Variants in TBCK observed in about 807,000 individuals in gnomAD.
TBCK encodes TBC1 domain containing kinase.
In TBCK, 99 loss-of-function variants were observed where a neutral mutation model predicts 113.4. The observed-to-expected ratio is 0.87, with a 90% CI of 0.74 to 1.03. TBCK has a LOEUF of 1.03. Among genes scored for constraint, TBCK ranks in the 50% least tolerant of loss-of-function variants. The pLI, the probability that TBCK is intolerant of heterozygous loss-of-function variation, is 0.00. For synonymous variants in TBCK, 369 were observed against 370.8 expected (o/e 1.00, Z 0.05); for missense variants, 1,045 against 1,061.3 (o/e 0.98, Z 0.21).
intron 23 of TBCK, among the ~76,000 whole-genome samples, chr4:106,120,624 C>T (rs1477086905): frequency 6.6e-6 from 1 of 152,214 alleles, no homozygotes; most frequent in South Asian, 2.1e-4. Flanking sequence ...GATCTGAGAA[C>T]CAGCAGACTG....
chr4:106,284,873 A>T (rs1231628990), intron 3 of TBCK, among the ~76,000 whole-genome samples: 1 of 152,158 alleles, frequency 6.6e-6, no homozygotes, highest in Non-Finnish European at 1.5e-5. Flanking sequence ...GTTGAGATCT[A>T]AATTTCTCCA....
At chr4:106,054,114 A>T (rs1244671279) in intron 25 of TBCK, among the ~76,000 whole-genome samples, 2 of 151,726 alleles carry the variant, frequency 1.3e-5, no homozygotes, top group Non-Finnish European at 1.5e-5. Context: ...AAAGCATTTT[A>T]ACGGCCTGTA....
chr4:106,170,892 C>T lies in TBCK; in HGVS notation c.2235+203G>A, dbSNP rs145313761. On this transcript the variant is annotated intron_variant, in intron 23 of 25. Transcript: ENST00000394708. ...GCAAAACTTGCTACCTGGAGGAGTA[C>T]GTCAAAATAATCTTCCTAACTCTAT... is the stretch of plus-strand genomic sequence containing the variant. 2.1e-3 allele frequency among the ~76,000 whole-genome samples: 316 copies of T among 152,012 alleles called. 1 individual carries two copies. Among genetic ancestry groups the T allele is most frequent in the Non-Finnish European group, 3.9e-3 (265 of 67,960 alleles).
intron 2 of TBCK, among the ~76,000 whole-genome samples, chr4:106,296,385 C>T (rs761903719): frequency 2.6e-5 from 4 of 151,404 alleles, no homozygotes; most frequent in Non-Finnish European, 5.9e-5. Context: ...AAAGAAACTG[C>T]GAATAATGAT....
At chr4:106,238,852 A>T (rs141268168) in intron 12 of TBCK, 4 of 152,260 alleles carry the variant, frequency 2.6e-5, no homozygotes, top group Non-Finnish European at 4.4e-5. Context: ...GTTAAGATCA[A>T]TTAAAAGGTA....
chr4:106,075,662 T>C (rs969090011), intron 25 of TBCK, among the ~76,000 whole-genome samples: 1 of 152,224 alleles, frequency 6.6e-6, no homozygotes, highest in African/African-American at 2.4e-5. Context: ...TTGACTTATA[T>C]ATATGTTTTT....
upstream of TBCK, chr4:106,316,303 C>T: frequency 2.2e-6 from 1 of 457,568 alleles, no homozygotes; most frequent in East Asian, 3.6e-5. Flanking sequence ...CTTCCCCTTG[C>T]CCAAACTGGC....
At chr4:106,291,247 T>C (rs1248254423) in intron 3 of TBCK, among the ~76,000 whole-genome samples, 1 of 152,196 alleles carries the variant, frequency 6.6e-6, no homozygotes, top group East Asian at 1.9e-4. Context: ...TGCACACTTG[T>C]CTTGGTCACA....
intron 25 of TBCK, among the ~76,000 whole-genome samples, chr4:106,052,072 G>A (rs905901371): frequency 1.3e-5 from 2 of 151,662 alleles, no homozygotes; most frequent in African/African-American, 2.4e-5. Flanking sequence ...CTAGTTTTCC[G>A]TATTCAGATC....
At chr4:106,267,172 C>T (rs1350138381) in intron 3 of TBCK, among the ~76,000 whole-genome samples, 1 of 151,884 alleles carries the variant, frequency 6.6e-6, no homozygotes, top group Non-Finnish European at 1.5e-5. Flanking sequence ...ATTATTGTTA[C>T]TTCAGGGCCT....
At chr4:106,203,300 A>G (rs1384565195) in intron 20 of TBCK, among the ~76,000 whole-genome samples, 5 of 150,838 alleles carry the variant, frequency 3.3e-5, no homozygotes, top group Non-Finnish European at 3.0e-5. Flanking sequence ...ATATATATAT[A>G]TATACTTTCA....
At chr4:106,237,033 G>A (rs970862055) in intron 12 of TBCK, among the ~76,000 whole-genome samples, 2 of 151,794 alleles carry the variant, frequency 1.3e-5, no homozygotes, top group African/African-American at 4.8e-5. Context: ...TTATCTATAG[G>A]TATCACTCAT....
chr4:106,059,567 T>C (rs912155210), intron 25 of TBCK, among the ~76,000 whole-genome samples: 1 of 151,716 alleles, frequency 6.6e-6, no homozygotes, highest in African/African-American at 2.4e-5. Context: ...AAATGTGTTT[T>C]GACTGCTCCA....
chr4:106,131,336 G>A (rs1489056151), intron 23 of TBCK, among the ~76,000 whole-genome samples: 1 of 152,218 alleles, frequency 6.6e-6, no homozygotes, highest in Non-Finnish European at 1.5e-5. Flanking sequence ...CAGTAGGCCA[G>A]GCGCCGTGGC....
intron 22 of TBCK, among the ~76,000 whole-genome samples, chr4:106,177,878 T>C (rs1009545034): frequency 6.6e-6 from 1 of 151,990 alleles, no homozygotes; most frequent in Non-Finnish European, 1.5e-5. Flanking sequence ...TCATTGGTAT[T>C]TTGATAGAAA....
At chr4:106,096,830 TTCCATAAAATTTGTTCAGCCA>T (rs1452149903) in intron 24 of TBCK, among the ~76,000 whole-genome samples, 6 of 152,192 alleles carry the variant, frequency 3.9e-5, no homozygotes, top group Non-Finnish European at 8.8e-5. Context: ...TAAGTGCCTC[TTCCATAAAATTTGTTCAGCCA>T]TCCATAAAAT....
intron 3 of TBCK, among the ~76,000 whole-genome samples, chr4:106,289,984 T>C (rs1765523245): frequency 6.6e-6 from 1 of 152,048 alleles, no homozygotes; most frequent in African/African-American, 2.4e-5. Flanking sequence ...TAAATGCATA[T>C]TTTCATCATA....
At chr4:106,232,087 T>C (rs1331908360) in intron 17 of TBCK, among the ~76,000 whole-genome samples, 1 of 151,832 alleles carries the variant, frequency 6.6e-6, no homozygotes, top group African/African-American at 2.4e-5. Flanking sequence ...ACTCTAAATG[T>C]ACAATCTTGG....
intron 24 of TBCK, among the ~76,000 whole-genome samples, chr4:106,110,224 C>T (rs2149552291): frequency 6.6e-6 from 1 of 152,286 alleles, no homozygotes; most frequent in South Asian, 2.1e-4. Flanking sequence ...GGTCCCTTAG[C>T]CTACTCTTTC....
Sources: gnomAD v4.1 joint callset for allele counts (sites outside exome capture counted in the v4.1 genomes callset) on GRCh38, gnomAD v4.1.1 for gene constraint, MANE v1.5 for transcripts, NCBI Gene and HGNC (gene_info 2026-07-23, HGNC 2026-07-21) for gene names.